MRAP: variants seen among roughly 807,000 people sequenced by gnomAD.
The protein encoded by MRAP is melanocortin 2 receptor accessory protein, also known as melanocortin-2 receptor accessory protein.
A neutral mutation model predicts 8.7 loss-of-function variants in MRAP; 8 were observed. That is an observed-to-expected ratio of 0.92 (90% CI 0.54 to 1.66). MRAP has a LOEUF of 1.66. Among genes scored for constraint, MRAP ranks in the 40% most tolerant of loss-of-function variants. The pLI, the probability that MRAP is intolerant of heterozygous loss-of-function variation, is 0.00. For synonymous variants in MRAP, 95 were observed against 95.5 expected (o/e 1.00, Z 0.03); for missense variants, 237 against 217.1 (o/e 1.09, Z -0.58).
rs1359992074 is a variant in MRAP, at chr21:32,311,489, C to T, written c.207-195C>T. ...ACCTGAGGCCTAGTTCCTGACAAAG[C>T]ACTTCCTCTCCTCTGAGATTTCTCT... On this transcript the variant is annotated intron_variant, in intron 2 of 2. Coordinates refer to ENST00000303645, the MANE Select transcript of MRAP (RefSeq NM_001379228.1). 1.7e-5 allele frequency: 9 copies of T among 536,766 alleles called. No homozygotes were observed. In the African/African-American group the frequency reaches 1.8e-4, roughly 11 times the overall value. The allele number at this position is 536,766 out of a possible 1,614,324, so 33.3% of individuals were successfully genotyped here.
chr21:32,296,415 G>T (rs1274374672), upstream of MRAP, among the ~76,000 whole-genome samples: 1 of 152,218 alleles, frequency 6.6e-6, no homozygotes, highest in Non-Finnish European at 1.5e-5. Context: ...GAAGTACACA[G>T]GTGGGTGCAT....
intron 2 of MRAP, among the ~76,000 whole-genome samples, chr21:32,310,095 T>G (rs371891313): frequency 7.4e-4 from 113 of 152,322 alleles, no homozygotes; most frequent in African/African-American, 2.6e-3. Context: ...CAAAGATCCC[T>G]GGTCTGGTCC....
chr21:32,299,106 A>C, intron 1 of MRAP, 29 bp downstream of exon 1: 1 of 1,590,528 alleles, frequency 6.3e-7, no homozygotes, highest in Non-Finnish European at 8.6e-7. Flanking sequence ...AGCCGGTCAG[A>C]CAGAGGCTGG....
chr21:32,302,184 G>A lies in MRAP; in HGVS notation c.106+3107G>A, dbSNP rs142307562. Among the ~76,000 whole-genome samples the A allele has an allele frequency of 9.2e-5, 14 of 152,266 alleles. No individual in the cohort carries two copies. In the East Asian group the frequency reaches 2.7e-3, roughly 29 times the overall value. On this transcript the variant is annotated intron_variant, in intron 1 of 2. Coordinates refer to ENST00000303645, the MANE Select transcript of MRAP (RefSeq NM_001379228.1). Reference sequence around the variant, plus strand: ...GTGATAAATTGTGTATATCTTTTGAGGATGAATTTTCTTTTTGGAAATAGT... The same window carrying A: ...GTGATAAATTGTGTATATCTTTTGAAGATGAATTTTCTTTTTGGAAATAGT...
chr21:32,304,539 C>T (rs886632035), intron 1 of MRAP, among the ~76,000 whole-genome samples: 11 of 151,830 alleles, frequency 7.2e-5, no homozygotes, highest in Non-Finnish European at 1.3e-4. Flanking sequence ...GACTTGAACC[C>T]GGCAGGCGGA....
At chr21:32,298,825 T>TA, upstream of MRAP, 1 of 678,132 alleles carries the variant, frequency 1.5e-6, no homozygotes, top group Non-Finnish European at 2.7e-6. Context: ...ATAGCTCTGA[T>TA]AAGTGGGCAG....
At chr21:32,293,673 C>T (rs973367612) in intron 2 of MRAP, among the ~76,000 whole-genome samples, 2 of 152,186 alleles carry the variant, frequency 1.3e-5, no homozygotes, top group African/African-American at 4.8e-5. Context: ...GTGATGATCA[C>T]TAATGTAATA....
upstream of MRAP, among the ~76,000 whole-genome samples, chr21:32,297,034 A>G (rs1237343372): frequency 6.6e-6 from 1 of 152,236 alleles, no homozygotes; most frequent in African/African-American, 2.4e-5. Context: ...ATCTTATGTG[A>G]CCACTGTTCT....
At chr21:32,300,707 G>GCGTCCTATGTCGGGGCGTCATT (rs2032259858) in intron 1 of MRAP, among the ~76,000 whole-genome samples, 1 of 141,648 alleles carries the variant, frequency 7.1e-6, no homozygotes, top group Non-Finnish European at 1.6e-5. Context: ...GGGGCGTCAT[G>GCGTCCTATGTCGGGGCGTCATT]CGTCCTATGT....
intron 1 of MRAP, among the ~76,000 whole-genome samples, chr21:32,304,701 A>G (rs563985369): frequency 2.7e-4 from 41 of 152,064 alleles, no homozygotes; most frequent in Admixed American, 3.3e-4. Flanking sequence ...TAGGACACAC[A>G]GTTCAACCTC....
intron 2 of MRAP, 181 bp downstream of exon 2, chr21:32,306,920 CAGCG>C (rs2032434758): frequency 3.0e-6 from 2 of 668,352 alleles, no homozygotes; most frequent in African/African-American, 3.5e-5. Flanking sequence ...CGAAATATTC[CAGCG>C]AGCATTTCCT....
At chr21:32,307,851 G>A (rs997326098) in intron 2 of MRAP, among the ~76,000 whole-genome samples, 2 of 152,172 alleles carry the variant, frequency 1.3e-5, no homozygotes, top group Admixed American at 1.3e-4. Context: ...TCTAGCCTGG[G>A]TGATAGAACA....
chr21:32,298,865 T>G lies in MRAP; in HGVS notation c.-107T>G, dbSNP rs1003619805. ...TGAGCCTAGAGACCCACAGACACAC[T>G]TGGACGATTCCTGCAGAAATCAGTG... is the stretch of plus-strand genomic sequence containing the variant. On this transcript the variant is annotated 5_prime_UTR_variant, in exon 1 of 3. Coordinates refer to ENST00000303645, the MANE Select transcript of MRAP (RefSeq NM_001379228.1). 10 of 799,120 alleles carry G rather than the reference T, an allele frequency of 1.3e-5. No homozygotes were observed. The African/African-American group carries it at 1.7e-4, about 13-fold the overall frequency. 49.5% of individuals were successfully genotyped at this position (799,120 alleles called of 1,614,324 possible).
chr21:32,296,105 A>G (rs1048598880), upstream of MRAP, among the ~76,000 whole-genome samples: 1 of 152,144 alleles, frequency 6.6e-6, no homozygotes, highest in African/African-American at 2.4e-5. Context: ...TGCAATTGTC[A>G]ATGGCCATCT....
intron 1 of MRAP, among the ~76,000 whole-genome samples, chr21:32,300,878 G>A (rs972989145): frequency 4.0e-5 from 6 of 150,570 alleles, no homozygotes; most frequent in East Asian, 2.0e-4. Flanking sequence ...GTCCTATGTC[G>A]GGTGTCATGC....
upstream of MRAP, among the ~76,000 whole-genome samples, chr21:32,295,918 G>A (rs981305856): frequency 1.3e-5 from 2 of 152,314 alleles, no homozygotes; most frequent in African/African-American, 4.8e-5. Flanking sequence ...AGAGGTTGGA[G>A]TAAGCCAAGA....
downstream of MRAP, chr21:32,313,078 G>C (rs957268074): frequency 6.6e-6 from 1 of 152,238 alleles, no homozygotes; most frequent in African/African-American, 2.4e-5. Flanking sequence ...GTCCTCACTT[G>C]ACTGAGCTGG....
rs1380139859 is a variant in MRAP at position 32,291,974 on chromosome 21, C to T, written c.-151+125C>T. 6.6e-6 allele frequency: 1 copy of T among 152,096 alleles called. No homozygotes were observed. The highest frequency in any genetic ancestry group is 1.5e-5 in the Non-Finnish European group (1 of 68,020). The allele number at this position is 152,096 out of a possible 1,614,324, so 9.4% of individuals were successfully genotyped here. A position where few individuals can be genotyped will look rare whatever the true frequency, so the allele number is the denominator to read the frequency against. On this transcript the variant is annotated intron_variant, in intron 1 of 4. Coordinates refer to the MRAP transcript ENST00000399784. ...AAAGAGAAGATACCTGTAAATTTAACAAGACTTCAGAGACACATCTCCCAT... is the reference window on the plus strand; with the variant it reads ...AAAGAGAAGATACCTGTAAATTTAATAAGACTTCAGAGACACATCTCCCAT...
chr21:32,308,010 T>TA (rs1395032198), intron 2 of MRAP, among the ~76,000 whole-genome samples: 1 of 152,126 alleles, frequency 6.6e-6, no homozygotes, highest in Non-Finnish European at 1.5e-5. Context: ...CTAAAGCTGT[T>TA]AAAGAAAATG....
Sources: gnomAD v4.1 joint callset for allele counts (sites outside exome capture counted in the v4.1 genomes callset) on GRCh38, gnomAD v4.1.1 for gene constraint, MANE v1.5 for transcripts, NCBI Gene and HGNC (gene_info 2026-07-23, HGNC 2026-07-21) for gene names.